The following FRMD3 variants were observed in gnomAD, a reference collection of about 807,000 sequenced individuals.
FRMD3 encodes FERM domain containing 3, also known as FERM domain-containing protein 3.
In FRMD3, 33 loss-of-function variants were observed where a neutral mutation model predicts 70.2. That is an observed-to-expected ratio of 0.47 (90% CI 0.36 to 0.63). The LOEUF (loss-of-function observed/expected upper bound fraction) is 0.63. Ranked by LOEUF, FRMD3 falls within the 20% of genes least tolerant of loss-of-function variation. The probability of loss-of-function intolerance (pLI) is 0.00; values close to 1 mark genes in which losing one functional copy is unlikely to be tolerated. For missense variants in FRMD3, 632 were observed against 711.4 expected (o/e 0.89, Z 1.27); for synonymous variants, 279 against 255.9 (o/e 1.09, Z -0.86).
At chr9:83,464,871 T>G (rs1204454576) in intron 1 of FRMD3, among the ~76,000 whole-genome samples, 2 of 151,930 alleles carry the variant, frequency 1.3e-5, no homozygotes, top group African/African-American at 2.4e-5. Flanking sequence ...AATAAAAAAA[T>G]TAGCCAGGCT....
chr9:83,324,975 A>T (rs1485431518), intron 6 of FRMD3, among the ~76,000 whole-genome samples: 1 of 152,254 alleles, frequency 6.6e-6, no homozygotes. Context: ...GCCATGGCAC[A>T]GCATTTCAAA....
intron 10 of FRMD3, among the ~76,000 whole-genome samples, chr9:83,299,485 G>A (rs1834816458): frequency 6.6e-6 from 1 of 152,172 alleles, no homozygotes; most frequent in African/African-American, 2.4e-5. Flanking sequence ...AAAGGACTGG[G>A]CAGTGATGAT....
At chr9:83,425,576 A>G (rs1826778320) in intron 1 of FRMD3, among the ~76,000 whole-genome samples, 1 of 152,158 alleles carries the variant, frequency 6.6e-6, no homozygotes, top group South Asian at 2.1e-4. Context: ...GGAAGCCACC[A>G]AATGAGTGGC....
At chr9:83,391,815 G>A (rs1367740794) in intron 1 of FRMD3, among the ~76,000 whole-genome samples, 1 of 152,154 alleles carries the variant, frequency 6.6e-6, no homozygotes, top group Non-Finnish European at 1.5e-5. Context: ...CAGACCACCA[G>A]GTGGATTCTA....
upstream of FRMD3, among the ~76,000 whole-genome samples, chr9:83,539,403 G>C (rs1332995653): frequency 6.6e-6 from 1 of 152,212 alleles, no homozygotes; most frequent in African/African-American, 2.4e-5. Flanking sequence ...GTGAGCACTA[G>C]AATGTCCAGG....
chr9:83,550,708 G>GTGTGTGTC, the FRMD3 span, among the ~76,000 whole-genome samples: 1 of 151,364 alleles, frequency 6.6e-6, no homozygotes, highest in African/African-American at 2.4e-5. Flanking sequence ...GTGTGTGTGT[G>GTGTGTGTC]TGTGTGTGTG....
chr9:83,434,819 C>CTTTTTTTTTTTTTTTTTTT (rs757810185), intron 1 of FRMD3, among the ~76,000 whole-genome samples: 1 of 74,878 alleles, frequency 1.3e-5, no homozygotes, highest in Non-Finnish European at 2.3e-5. Context: ...CACCCCTCTG[C>CTTTTTTTTTTTTTTTTTTT]TTTTTTTTTT....
intron 1 of FRMD3, among the ~76,000 whole-genome samples, chr9:83,418,073 T>G (rs1247822347): frequency 5.7e-5 from 7 of 123,142 alleles, no homozygotes; most frequent in Admixed American, 1.0e-4. Flanking sequence ...AAGGAAGGAG[T>G]GAGCAGCCAG....
At chr9:83,360,236 T>C (rs1362832603) in intron 3 of FRMD3, among the ~76,000 whole-genome samples, 1 of 152,222 alleles carries the variant, frequency 6.6e-6, no homozygotes, top group Non-Finnish European at 1.5e-5. Context: ...AGCCAGACCC[T>C]TGGAGTCATG....
intron 13 of FRMD3, among the ~76,000 whole-genome samples, chr9:83,261,853 G>A (rs570129742): frequency 2.6e-5 from 4 of 152,248 alleles, no homozygotes; most frequent in African/African-American, 9.6e-5. Flanking sequence ...AATTGCCACC[G>A]ACAGTTTCTT....
chr9:83,307,422 A>G (rs1474340883), intron 10 of FRMD3, among the ~76,000 whole-genome samples: 2 of 152,266 alleles, frequency 1.3e-5, no homozygotes, highest in Admixed American at 6.5e-5. Context: ...GTGAGCATCA[A>G]CTGATGAATG....
chr9:83,399,510 C>A (rs1296040973), intron 1 of FRMD3, among the ~76,000 whole-genome samples: 1 of 146,788 alleles, frequency 6.8e-6, no homozygotes. Context: ...CTTCTTGTTC[C>A]AGATTTTCGT....
At chr9:83,250,430 C>A (rs1832350234) in intron 13 of FRMD3, among the ~76,000 whole-genome samples, 1 of 152,158 alleles carries the variant, frequency 6.6e-6, no homozygotes, top group Non-Finnish European at 1.5e-5. Flanking sequence ...CCCCAGGATC[C>A]CTGGCAAGGC....
chr9:83,374,831 C>T (rs1288546338), intron 2 of FRMD3, among the ~76,000 whole-genome samples: 1 of 152,110 alleles, frequency 6.6e-6, no homozygotes, highest in Admixed American at 6.6e-5. Context: ...AAAGAGGCCC[C>T]TGGTGGTTAA....
At chr9:83,403,344 A>G (rs2131322976) in intron 1 of FRMD3, among the ~76,000 whole-genome samples, 1 of 152,276 alleles carries the variant, frequency 6.6e-6, no homozygotes, top group South Asian at 2.1e-4. Flanking sequence ...TGGGAGAGAG[A>G]AACGGGAGGA....
chr9:83,264,814 A>G (rs5003134), intron 13 of FRMD3, among the ~76,000 whole-genome samples: 10,168 of 140,090 alleles, frequency 0.073, 604 homozygotes, highest in East Asian at 0.11. Flanking sequence ...TTGTGGGGGG[A>G]GGGGGGAAGG....
chr9:83,568,580 C>G, the FRMD3 span, among the ~76,000 whole-genome samples: 2 of 151,982 alleles, frequency 1.3e-5, no homozygotes, highest in African/African-American at 4.8e-5. Flanking sequence ...TGTGTGGAAT[C>G]TAAAAGAAGG....
chr9:83,285,346 T>A (rs1409229709), intron 13 of FRMD3, among the ~76,000 whole-genome samples: 2 of 152,204 alleles, frequency 1.3e-5, no homozygotes, highest in East Asian at 3.8e-4. Context: ...TATTCTTCAA[T>A]AAAGATACTT....
intron 1 of FRMD3, among the ~76,000 whole-genome samples, chr9:83,402,656 T>A (rs1825981006): frequency 6.6e-6 from 1 of 152,112 alleles, no homozygotes; most frequent in African/African-American, 2.4e-5. Context: ...GCAGCCTTAA[T>A]ATAACCATGG....
Sources: allele counts gnomAD v4.1 joint callset (sites outside exome capture counted in the v4.1 genomes callset), GRCh38; gene constraint gnomAD v4.1.1; transcripts MANE v1.5; gene names NCBI Gene and HGNC (gene_info 2026-07-23, HGNC 2026-07-21).